The following SYNE2 variants were observed in gnomAD, a reference collection of about 807,000 sequenced individuals.
SYNE2 encodes the protein spectrin repeat containing nuclear envelope protein 2.
Under a neutral mutation model 856.3 loss-of-function variants are expected in SYNE2, and 431 were observed. The ratio of observed to expected loss-of-function variants is 0.50; its 90% CI spans 0.47 to 0.55. The LOEUF (loss-of-function observed/expected upper bound fraction) is 0.55. Ranked by LOEUF, SYNE2 falls within the 20% of genes least tolerant of loss-of-function variation. The pLI, the probability that SYNE2 is intolerant of heterozygous loss-of-function variation, is 0.00. For synonymous variants in SYNE2, 2,923 were observed against 2,872.3 expected (o/e 1.02, Z -0.56); for missense variants, 8,129 against 8,023.2 (o/e 1.01, Z -0.50).
rs746189092 is a variant in SYNE2 at position 64,218,390 on chromosome 14, C to T, written c.19543-8C>T. ...ACAGATGGTAACTTAAAAACTGGCT[C>T]ATTCTAGGGAAAGCTACTATTACCT... On this transcript the variant is annotated splice_polypyrimidine_tract_variant and splice_region_variant and intron_variant, in intron 108 of 115. Transcript: ENST00000555002. The T allele has an allele frequency of 5.6e-6, 9 of 1,613,528 alleles. No homozygotes were observed. Among genetic ancestry groups the T allele is most frequent in the South Asian group, 5.5e-5 (5 of 90,926 alleles).
rs1213667557 is a variant in SYNE2, at chr14:64,219,539, T to A, written c.19860+129T>A. On this transcript the variant is annotated intron_variant, in intron 110 of 115. Transcript: ENST00000555002. ...TGCAGATGGTGTATGTAGAGGTCAC[T>A]CTCTTCCATTTCAGTTCCATAGTTG... 4 of 901,004 alleles carry A rather than the reference T, an allele frequency of 4.4e-6. 1 individual carries two copies. Among genetic ancestry groups the A allele is most frequent in the Non-Finnish European group, 5.3e-6 (3 of 563,408 alleles). 55.8% of individuals were successfully genotyped at this position (901,004 alleles called of 1,614,324 possible).
At chr14:63,885,409 G>A (rs2094960256) in intron 1 of SYNE2, among the ~76,000 whole-genome samples, 1 of 152,162 alleles carries the variant, frequency 6.6e-6, no homozygotes, top group East Asian at 1.9e-4. Flanking sequence ...CAGGTGGGGA[G>A]CACAGGCAAT....
intron 1 of SYNE2, among the ~76,000 whole-genome samples, chr14:63,903,836 A>ATTTTTGTTTTT: frequency 6.8e-6 from 1 of 147,312 alleles, no homozygotes; most frequent in Non-Finnish European, 1.5e-5. Context: ...TTTCAGAGAC[A>ATTTTTGTTTTT]TTCTATATAT....
intron 64 of SYNE2, among the ~76,000 whole-genome samples, chr14:64,103,664 TG>T (rs1375133214): frequency 6.6e-6 from 1 of 152,194 alleles, no homozygotes; most frequent in Non-Finnish European, 1.5e-5. Flanking sequence ...TCTCTGCCTC[TG>T]GCTAGGTTCC....
intron 1 of SYNE2, among the ~76,000 whole-genome samples, chr14:63,784,390 G>A (rs765853943): frequency 1.3e-5 from 2 of 151,956 alleles, no homozygotes; most frequent in Admixed American, 6.6e-5. Context: ...CCAGCTGGTC[G>A]GGAGGCTGAG....
intron 1 of SYNE2, among the ~76,000 whole-genome samples, chr14:63,861,895 A>G (rs1338806552): frequency 6.6e-6 from 1 of 152,184 alleles, no homozygotes; most frequent in Non-Finnish European, 1.5e-5. Flanking sequence ...GACTTAAAAA[A>G]CTTTATTATG....
chr14:64,177,592 C>G (rs1021065243), intron 96 of SYNE2, 109 bp downstream of exon 96: 8 of 1,410,694 alleles, frequency 5.7e-6, no homozygotes, highest in African/African-American at 4.3e-5. Flanking sequence ...CATTTTCAAT[C>G]AGAAAATATT....
At chr14:64,083,483 A>C (rs1393151870) in intron 57 of SYNE2, among the ~76,000 whole-genome samples, 1 of 152,088 alleles carries the variant, frequency 6.6e-6, no homozygotes, top group Non-Finnish European at 1.5e-5. Flanking sequence ...CACATGTAAA[A>C]ATGTAAAAGC....
At chr14:64,181,019 A>AT (rs1234178559) in intron 96 of SYNE2, among the ~76,000 whole-genome samples, 1 of 151,718 alleles carries the variant, frequency 6.6e-6, no homozygotes, top group East Asian at 1.9e-4. Flanking sequence ...TCGTTTATGT[A>AT]TTTTTTTGGG....
At chr14:64,200,723 G>T (rs557462304) in intron 99 of SYNE2, among the ~76,000 whole-genome samples, 1 of 152,338 alleles carries the variant, frequency 6.6e-6, no homozygotes, top group Non-Finnish European at 1.5e-5. Context: ...TATCACAACT[G>T]TAAGTTGCTG....
chr14:63,799,395 C>CT (rs79092707), intron 1 of SYNE2, among the ~76,000 whole-genome samples: 14,210 of 128,332 alleles, frequency 0.11, 887 homozygotes, highest in East Asian at 0.29. Flanking sequence ...TGTTTTAAAA[C>CT]TTTTTTTTTT....
At chr14:64,131,387 T>C (rs1257615010) in intron 76 of SYNE2, among the ~76,000 whole-genome samples, 1 of 152,194 alleles carries the variant, frequency 6.6e-6, no homozygotes, top group Non-Finnish European at 1.5e-5. Context: ...TACAGGAAGC[T>C]TTATGTCCAG....
intron 21 of SYNE2, 83 bp from the exon 22 acceptor site, chr14:63,993,752 C>CCA: frequency 2.1e-5 from 28 of 1,314,668 alleles, no homozygotes; most frequent in Non-Finnish European, 2.8e-5. Context: ...TAAAGACATA[C>CCA]CAAAATTAGC....
rs1486885190 is a variant in SYNE2, at chr14:64,041,160, T to C, written c.7222-6840T>C. Among the ~76,000 whole-genome samples the C allele has an allele frequency of 3.3e-5, 5 of 152,186 alleles. No individual in the cohort carries two copies. The East Asian group carries it at 9.6e-4, about 29-fold the overall frequency. On this transcript the variant is annotated intron_variant, in intron 45 of 115. Coordinates refer to ENST00000555002, the MANE Select transcript of SYNE2 (RefSeq NM_182914.3). ...TTGAGACAAAGACTGAAAGTTTATC[T>C]ATCTCAAACTTCAAACAAAAATATA...
At chr14:64,008,362 A>G (rs921885661) in intron 31 of SYNE2, among the ~76,000 whole-genome samples, 1 of 152,176 alleles carries the variant, frequency 6.6e-6, no homozygotes, top group Non-Finnish European at 1.5e-5. Context: ...GATTAGGCCC[A>G]GGACATCTTT....
intron 32 of SYNE2, among the ~76,000 whole-genome samples, chr14:64,010,362 C>T (rs1185976176): frequency 6.6e-6 from 1 of 152,188 alleles, no homozygotes; most frequent in African/African-American, 2.4e-5. Context: ...TTTCTGCTCA[C>T]CCCTGCTGCC....
chr14:64,070,563 A>G, intron 51 of SYNE2, 82 bp from the exon 52 acceptor site: 1 of 1,198,432 alleles, frequency 8.3e-7, no homozygotes, highest in Non-Finnish European at 1.2e-6. Flanking sequence ...AAGAGAGAGC[A>G]TACAAAAATT....
At chr14:63,943,678 A>ATT (rs71444629) in intron 6 of SYNE2, among the ~76,000 whole-genome samples, 1 of 54,596 alleles carries the variant, frequency 1.8e-5, no homozygotes, top group African/African-American at 4.4e-5. Context: ...TATTATTATT[A>ATT]TTTTTTTTTT....
chr14:63,852,971 C>T (rs143315154), upstream of SYNE2: 3,185 of 151,768 alleles, frequency 0.021, 43 homozygotes, highest in Admixed American at 0.034. Flanking sequence ...CGTGGTTTGC[C>T]GCTTTCCGAG....
Sources: gnomAD v4.1 joint callset for allele counts (sites outside exome capture counted in the v4.1 genomes callset) on GRCh38, gnomAD v4.1.1 for gene constraint, MANE v1.5 for transcripts, NCBI Gene and HGNC (gene_info 2026-07-23, HGNC 2026-07-21) for gene names.